BNC2: variants seen among roughly 807,000 people sequenced by gnomAD.
BNC2 encodes basonuclin zinc finger protein 2.
A neutral mutation model predicts 76.3 loss-of-function variants in BNC2; 20 were observed. The observed-to-expected ratio is 0.26, with a 90% confidence interval of 0.18 to 0.38. The LOEUF is 0.38. Among genes scored for constraint, BNC2 ranks in the 10% least tolerant of loss-of-function variants. The pLI, the probability that BNC2 is intolerant of heterozygous loss-of-function variation, is 1.00. For synonymous variants in BNC2, 582 were observed against 514.8 expected (o/e 1.13, Z -1.77); for missense variants, 1,382 against 1,399.8 (o/e 0.99, Z 0.20).
chr9:16,575,330 T>C lies in BNC2; in HGVS notation c.433+7653A>G, dbSNP rs552259390. On this transcript the variant is annotated intron_variant, in intron 4 of 6. Transcript: ENST00000380672. ...CTCAACACCCTCCCACGAAACTCCT[T>C]ACCAGCAGACCAGCAGTGACTACAC... 4.1e-6 allele frequency: 4 copies of C among 985,326 alleles called. No homozygotes were observed. The African/African-American group carries it at 5.2e-5, about 13-fold the overall frequency. 61.0% of individuals were successfully genotyped at this position (985,326 alleles called of 1,614,324 possible). A position where few individuals can be genotyped will look rare whatever the true frequency, so the allele number is the denominator to read the frequency against.
chr9:16,848,670 G>A (rs537867940), intron 1 of BNC2, among the ~76,000 whole-genome samples: 134 of 152,262 alleles, frequency 8.8e-4, no homozygotes, highest in African/African-American at 3.0e-3. Context: ...TTATAAAAAA[G>A]ACTTTGGGAT....
At chr9:16,501,885 G>A (rs1252809951) in intron 5 of BNC2, among the ~76,000 whole-genome samples, 1 of 152,128 alleles carries the variant, frequency 6.6e-6, no homozygotes, top group Non-Finnish European at 1.5e-5. Context: ...CTACTCCATT[G>A]GTTGAATTGC....
intron 1 of BNC2, among the ~76,000 whole-genome samples, chr9:16,851,128 A>C (rs1819117695): frequency 6.6e-6 from 1 of 152,220 alleles, no homozygotes; most frequent in Non-Finnish European, 1.5e-5. Context: ...AATTATTTCA[A>C]TGCTTCATTC....
intron 5 of BNC2, among the ~76,000 whole-genome samples, chr9:16,511,863 C>A (rs1361973953): frequency 1.3e-5 from 2 of 152,128 alleles, no homozygotes; most frequent in Admixed American, 1.3e-4. Flanking sequence ...GGCCATCACA[C>A]TAAAGGATTT....
At chr9:16,503,292 A>G (rs1447258585) in intron 5 of BNC2, among the ~76,000 whole-genome samples, 7 of 152,224 alleles carry the variant, frequency 4.6e-5, no homozygotes, top group Admixed American at 4.6e-4. Flanking sequence ...GGGTCAAAAA[A>G]CAAAGCAGAA....
intron 3 of BNC2, among the ~76,000 whole-genome samples, chr9:16,639,618 GA>G (rs1052384276): frequency 4.9e-4 from 72 of 146,164 alleles, no homozygotes; most frequent in African/African-American, 1.3e-3. Context: ...GAAAACACAG[GA>G]AAAAAAAAAA....
intron 1 of BNC2, among the ~76,000 whole-genome samples, chr9:16,830,010 T>C (rs887736834): frequency 2.6e-5 from 4 of 152,190 alleles, no homozygotes; most frequent in Non-Finnish European, 5.9e-5. Flanking sequence ...AGAGACTATG[T>C]ATAAAAATAT....
chr9:16,782,727 G>A (rs1358153253), intron 1 of BNC2, among the ~76,000 whole-genome samples: 2 of 152,132 alleles, frequency 1.3e-5, no homozygotes, highest in African/African-American at 2.4e-5. Flanking sequence ...TACTGTGGTT[G>A]CCTGGTTTCA....
intron 1 of BNC2, among the ~76,000 whole-genome samples, chr9:16,851,443 C>G (rs1819124867): frequency 6.6e-6 from 1 of 152,098 alleles, no homozygotes; most frequent in African/African-American, 2.4e-5. Context: ...CAGGTCAAGG[C>G]TGCAGTGAGC....
At chr9:16,533,518 T>G (rs1025260075) in intron 5 of BNC2, among the ~76,000 whole-genome samples, 1 of 152,018 alleles carries the variant, frequency 6.6e-6, no homozygotes, top group African/African-American at 2.4e-5. Context: ...TAAGAAAAAT[T>G]TAGGGATAAG....
chr9:16,452,046 G>A (rs1257886426), intron 5 of BNC2, among the ~76,000 whole-genome samples: 2 of 152,182 alleles, frequency 1.3e-5, no homozygotes, highest in African/African-American at 2.4e-5. Flanking sequence ...CTGGTCGAGT[G>A]CTTTTCCTAA....
chr9:16,557,869 G>GT (rs1282366450), intron 4 of BNC2, among the ~76,000 whole-genome samples: 58 of 149,066 alleles, frequency 3.9e-4, no homozygotes, highest in African/African-American at 5.9e-4. Flanking sequence ...TTGTTTGTTT[G>GT]TTTTTTTTTG....
At chr9:16,620,993 G>A (rs192249650) in intron 3 of BNC2, among the ~76,000 whole-genome samples, 55 of 152,244 alleles carry the variant, frequency 3.6e-4, no homozygotes, top group East Asian at 1.9e-4. Context: ...ATCTGGTTCC[G>A]CTGTTGTCAC....
intron 1 of BNC2, among the ~76,000 whole-genome samples, chr9:16,774,882 T>A (rs933290767): frequency 6.6e-6 from 1 of 152,254 alleles, no homozygotes; most frequent in Non-Finnish European, 1.5e-5. Flanking sequence ...ATATCTGTTA[T>A]CCAGTGACCC....
intron 3 of BNC2, among the ~76,000 whole-genome samples, chr9:16,681,685 A>C (rs1822826031): frequency 6.6e-6 from 1 of 152,176 alleles, no homozygotes. Flanking sequence ...ATCTTCAGAT[A>C]TACTCTACTC....
At chr9:16,775,129 T>C (rs933399189) in intron 1 of BNC2, among the ~76,000 whole-genome samples, 1 of 152,214 alleles carries the variant, frequency 6.6e-6, no homozygotes, top group African/African-American at 2.4e-5. Context: ...TATCAGACCC[T>C]GACCACTACA....
At chr9:16,642,150 C>G (rs1821507694) in intron 3 of BNC2, among the ~76,000 whole-genome samples, 1 of 152,176 alleles carries the variant, frequency 6.6e-6, no homozygotes, top group African/African-American at 2.4e-5. Flanking sequence ...GCTCCTTCCA[C>G]TTCGTTATCC....
intron 1 of BNC2, among the ~76,000 whole-genome samples, chr9:16,791,844 T>C (rs571461029): frequency 1.3e-5 from 2 of 152,280 alleles, no homozygotes; most frequent in South Asian, 4.1e-4. Context: ...GGCTCACACC[T>C]GTAACCCCAT....
chr9:16,506,692 A>G (rs1822635547), intron 5 of BNC2, among the ~76,000 whole-genome samples: 1 of 150,442 alleles, frequency 6.6e-6, no homozygotes. Context: ...CACCCAGCTA[A>G]TTTTTGTATT....
Sources: allele counts gnomAD v4.1 joint callset (sites outside exome capture counted in the v4.1 genomes callset), GRCh38; gene constraint gnomAD v4.1.1; transcripts MANE v1.5; gene names NCBI Gene and HGNC (gene_info 2026-07-23, HGNC 2026-07-21).